Variants in PCDHGB3 observed in about 807,000 individuals in gnomAD.
The protein encoded by PCDHGB3 is protocadherin gamma-B3.
A neutral mutation model predicts 59.2 loss-of-function variants in PCDHGB3; 40 were observed. The observed-to-expected ratio is 0.68, with a 90% CI of 0.52 to 0.88. The LOEUF is 0.88. Ranked by LOEUF, PCDHGB3 falls within the 40% of genes least tolerant of loss-of-function variation. PCDHGB3 has a pLI of 0.00. For synonymous variants in PCDHGB3, 581 were observed against 503.6 expected (o/e 1.15, Z -2.06); for missense variants, 1,309 against 1,187.9 (o/e 1.10, Z -1.50).
intron 1 of PCDHGB3, chr5:141,410,466 G>A (rs536543649): frequency 6.2e-7 from 1 of 1,613,908 alleles, no homozygotes; most frequent in African/African-American, 1.3e-5. Context: ...TATAATCTGT[G>A]CATTGCACAT....
intron 1 of PCDHGB3, chr5:141,408,243 G>T: frequency 6.3e-7 from 1 of 1,583,996 alleles, no homozygotes; most frequent in African/African-American, 1.3e-5. Context: ...GCCGGCCCGC[G>T]GCAGGTGCTA....
intron 2 of PCDHGB3, among the ~76,000 whole-genome samples, chr5:141,502,834 A>G (rs1398558120): frequency 6.7e-6 from 1 of 149,378 alleles, no homozygotes; most frequent in Non-Finnish European, 1.5e-5. Flanking sequence ...GGAAGCCTGG[A>G]CTGGCTGAGC....
At chr5:141,398,928 T>C in intron 1 of PCDHGB3, 4 of 1,613,962 alleles carry the variant, frequency 2.5e-6, no homozygotes, top group Non-Finnish European at 3.4e-6. Flanking sequence ...TGTCAGCCAC[T>C]GACCAAGACG....
At chr5:141,434,785 T>A (rs7727021) in intron 1 of PCDHGB3, among the ~76,000 whole-genome samples, 45,585 of 150,884 alleles carry the variant, frequency 0.3, 8,100 homozygotes, top group African/African-American at 0.51. Context: ...AAAAAAAAAA[T>A]TTTTTTTTCT....
At chr5:141,394,611 C>A (rs774009952) in intron 1 of PCDHGB3, 1 of 1,613,420 alleles carries the variant, frequency 6.2e-7, no homozygotes, top group Non-Finnish European at 8.5e-7. Flanking sequence ...AGACTCGGGC[C>A]AGAACGCCTG....
rs1157645386 is a variant in PCDHGB3 at position 141,477,622 on chromosome 5, A to C, written c.2416-17185A>C. On this transcript the variant is annotated intron_variant, in intron 1 of 3. Coordinates refer to ENST00000576222, the MANE Select transcript of PCDHGB3 (RefSeq NM_018924.5). This position sits in a 1 kb window ranked among gnomAD's most constrained non-coding sequence, Gnocchi z 4.9. ...TCTTTCTCTTGGAGCAAGGAGCTGA[A>C]ACCGGGCTAGTGGGTCGCTATTTCA... 1 of 1,614,108 alleles carries C rather than the reference A, an allele frequency of 6.2e-7. No homozygotes were observed. The highest frequency in any genetic ancestry group is 2.2e-5 in the East Asian group (1 of 44,904).
chr5:141,426,754 T>C, intron 1 of PCDHGB3: 1 of 456,314 alleles, frequency 2.2e-6, no homozygotes, highest in Non-Finnish European at 4.4e-6. Context: ...GAATCTGCTA[T>C]AGATGCAGAT....
chr5:141,383,655 C>T, intron 1 of PCDHGB3: 1 of 1,613,986 alleles, frequency 6.2e-7, no homozygotes, highest in East Asian at 2.2e-5. Context: ...TAACTGTCCC[C>T]GAGAATGTGC....
At chr5:141,441,764 C>T (rs1407504024) in intron 1 of PCDHGB3, 1 of 384,478 alleles carries the variant, frequency 2.6e-6, no homozygotes, top group South Asian at 2.1e-5. Context: ...TGAGCCTGCG[C>T]GTGTTGGTGG....
intron 1 of PCDHGB3, chr5:141,415,762 T>TTTTG: frequency 2.1e-6 from 3 of 1,399,986 alleles, no homozygotes; most frequent in Non-Finnish European, 2.8e-6. Flanking sequence ...TTTTTTTTTT[T>TTTTG]TTTTTTTTTT....
intron 2 of PCDHGB3, among the ~76,000 whole-genome samples, chr5:141,496,592 T>G (rs948403662): frequency 6.6e-6 from 1 of 152,136 alleles, no homozygotes; most frequent in African/African-American, 2.4e-5. Context: ...GCAAAGCGCT[T>G]CTTAGAAGGC....
rs776825429 is a variant in PCDHGB3 at position 141,375,161 on chromosome 5, G to C, written c.2415+2352G>C. On this transcript the variant is annotated intron_variant, in intron 1 of 3. Transcript: ENST00000576222. ...TGGAAGCAGAACAATTGCTGAAAGT[G>C]CACCTCCAGGAACAGTAATCGCCCT... 2.5e-6 allele frequency: 4 copies of C among 1,613,940 alleles called. No individual in the cohort carries two copies. In the Admixed American group the frequency reaches 6.7e-5, roughly 27 times the overall value.
At chr5:141,393,553 A>G (rs377510269) in intron 1 of PCDHGB3, 2 of 1,613,810 alleles carry the variant, frequency 1.2e-6, no homozygotes, top group African/African-American at 2.7e-5. Context: ...CACCCGATTT[A>G]CCGAGTGAAA....
chr5:141,408,277 C>T (rs367948897), intron 1 of PCDHGB3: 2 of 1,611,980 alleles, frequency 1.2e-6, no homozygotes, highest in African/African-American at 1.3e-5. Context: ...TGCCTTTGTT[C>T]TACCCCACCC....
chr5:141,371,809 C>A lies in PCDHGB3; in HGVS notation c.1415C>A (p.Ala472Glu), dbSNP rs1768063576. ...AACAATCCGCCTGGAGCCTCCATTG[C>A]GCATGTCAGAGCCTCGGATCCCGAC... The part of the protein sequence containing the change: ...AENNPPGASI[A>E]HVRASDPDLG... The change falls in exon 1 of 4, where the codon GCG becomes GAG. Residue 472 changes from alanine to glutamate, a missense_variant. Coordinates refer to ENST00000576222, the MANE Select transcript of PCDHGB3 (RefSeq NM_018924.5). The A allele has an allele frequency of 1.2e-6, 2 of 1,613,792 alleles. No individual in the cohort carries two copies.
At position 141,487,047 on chromosome 5, in the gene PCDHGB3, C is replaced by T; in HGVS notation, c.2416-7760C>T. The T allele has an allele frequency of 6.2e-7, 1 of 1,614,188 alleles. No individual in the cohort carries two copies. Among genetic ancestry groups the T allele is most frequent in the Non-Finnish European group, 8.5e-7 (1 of 1,180,032 alleles). ...AGCCTGTTTGCAGTCTCTCGATATGCTGGGGAGGTGCGGACGGCTGTTCCT... is the reference window on the plus strand; with the variant it reads ...AGCCTGTTTGCAGTCTCTCGATATGTTGGGGAGGTGCGGACGGCTGTTCCT... On this transcript the variant is annotated intron_variant, in intron 1 of 3. Coordinates refer to ENST00000576222, the MANE Select transcript of PCDHGB3 (RefSeq NM_018924.5). This position sits in a 1 kb window ranked among gnomAD's most constrained non-coding sequence, Gnocchi z 5.0.
intron 1 of PCDHGB3, among the ~76,000 whole-genome samples, chr5:141,467,702 C>T (rs2099149453): frequency 6.6e-6 from 1 of 152,086 alleles, no homozygotes; most frequent in South Asian, 2.1e-4. Context: ...GGCTCTGTTG[C>T]CCAGGCTGGA....
intron 1 of PCDHGB3, chr5:141,374,097 A>G (rs1277096139): frequency 3.2e-6 from 5 of 1,560,098 alleles, no homozygotes; most frequent in Non-Finnish European, 4.3e-6. Flanking sequence ...GCGCCTCCGC[A>G]GAGGCATCCG....
chr5:141,497,084 G>A (rs1417389801), intron 2 of PCDHGB3, among the ~76,000 whole-genome samples: 1 of 152,098 alleles, frequency 6.6e-6, no homozygotes, highest in East Asian at 1.9e-4. Context: ...AGCGACTTAG[G>A]AGGCTGAGGC....
Sources: gnomAD v4.1 joint callset for allele counts (sites outside exome capture counted in the v4.1 genomes callset) on GRCh38, gnomAD v4.1.1 for gene constraint, Gnocchi (gnomAD v3.1) non-coding constraint, MANE v1.5 for transcripts, NCBI Gene and HGNC (gene_info 2026-07-23, HGNC 2026-07-21) for gene names.